The following CDK13 variants were observed in gnomAD, a reference collection of about 807,000 sequenced individuals.
The protein encoded by CDK13 is cyclin dependent kinase 13.
In CDK13, 40 loss-of-function variants were observed where a neutral mutation model predicts 137.6. That is an observed-to-expected ratio of 0.29 (90% confidence interval 0.23 to 0.38). CDK13 has a LOEUF of 0.38. Among genes scored for constraint, CDK13 ranks in the 10% least tolerant of loss-of-function variants. The pLI is 1.00. For synonymous variants in CDK13, 869 were observed against 760.1 expected, an observed-to-expected ratio of 1.14 and a Z score of -2.36; for missense variants, 1,704 against 1,951.8, an observed-to-expected ratio of 0.87 and a Z score of 2.39.
chr7:40,021,708 T>C (rs1366345068), intron 5 of CDK13, among the ~76,000 whole-genome samples: 1 of 152,170 alleles, frequency 6.6e-6, no homozygotes, highest in Admixed American at 6.5e-5. Context: ...TTTAAGCTAA[T>C]TAGAAATATT....
chr7:40,037,864 C>G (rs998835345), intron 5 of CDK13, among the ~76,000 whole-genome samples: 1 of 152,072 alleles, frequency 6.6e-6, no homozygotes, highest in African/African-American at 2.4e-5. Context: ...CTTAGTGATT[C>G]TTTTTGTCCT....
intron 12 of CDK13, among the ~76,000 whole-genome samples, chr7:40,089,678 A>G (rs993192922): frequency 2.6e-5 from 4 of 151,256 alleles, no homozygotes; most frequent in Non-Finnish European, 5.9e-5. Flanking sequence ...AGTTTTATGA[A>G]AACAGAGACT....
chr7:40,016,188 T>C (rs555280860), intron 5 of CDK13, among the ~76,000 whole-genome samples: 5 of 152,334 alleles, frequency 3.3e-5, no homozygotes, highest in African/African-American at 1.2e-4. Flanking sequence ...TGGAGGAAGC[T>C]AATGATTAAC....
chr7:39,950,982 A>T lies in CDK13; in HGVS notation c.341A>T (p.Glu114Val), dbSNP rs1251764784. ...CGTCGCGGGCCCCGCGCCGGGCAGG[A>T]GGCGGAGAAGCGTCGGGTCTTCTCG... ...KRRRGPRAGQ[E>V]AEKRRVFSLP... The change falls in exon 1 of 14, where the codon GAG becomes GTG. Residue 114 changes from glutamate (E) to valine (V), a missense_variant. By Grantham distance (121) the Glu-to-Val change is moderately radical (BLOSUM62 -2). Around this residue, in one of 5 missense-constraint regions of CDK13, gnomAD observed 1,051 missense variants for 931.0 expected, o/e 1.13. Transcript: ENST00000181839. The T allele has an allele frequency of 2.3e-6, 3 of 1,313,766 alleles. No homozygotes were observed. Among genetic ancestry groups the T allele is most frequent in the Non-Finnish European group, 1.9e-6 (2 of 1,036,356 alleles). The allele number at this position is 1,313,766 out of a possible 1,614,324, so 81.4% of individuals were successfully genotyped here. A position where few individuals can be genotyped will look rare whatever the true frequency, so the allele number is the denominator to read the frequency against.
intron 8 of CDK13, 44 bp downstream of exon 8, chr7:40,062,971 G>C: frequency 3.7e-6 from 6 of 1,602,326 alleles, no homozygotes; most frequent in Non-Finnish European, 5.1e-6. Context: ...TGAAACTTTT[G>C]GTAGTGAATT....
intron 5 of CDK13, among the ~76,000 whole-genome samples, chr7:40,023,820 A>T (rs1785181618): frequency 1.3e-5 from 2 of 152,198 alleles, no homozygotes; most frequent in Non-Finnish European, 1.5e-5. Flanking sequence ...CTGCTGGAGA[A>T]GAATCATTAC....
At chr7:40,017,730 T>C (rs553533410) in intron 5 of CDK13, among the ~76,000 whole-genome samples, 20 of 152,042 alleles carry the variant, frequency 1.3e-4, no homozygotes, top group African/African-American at 4.8e-4. Flanking sequence ...ATCTGTCTGT[T>C]TGGTGGCTTT....
chr7:40,075,419 T>C (rs1210933534), intron 9 of CDK13, among the ~76,000 whole-genome samples: 2 of 152,100 alleles, frequency 1.3e-5, no homozygotes, highest in Non-Finnish European at 2.9e-5. Context: ...TACTCAGATA[T>C]CTTTCAACAT....
chr7:39,974,257 G>A (rs1562706279), intron 1 of CDK13, among the ~76,000 whole-genome samples: 1 of 151,792 alleles, frequency 6.6e-6, no homozygotes, highest in Non-Finnish European at 1.5e-5. Context: ...TTTGAGACAG[G>A]GTTTCACTAT....
At chr7:40,075,015 C>T (rs1214992446) in intron 9 of CDK13, among the ~76,000 whole-genome samples, 2 of 151,904 alleles carry the variant, frequency 1.3e-5, no homozygotes, top group Non-Finnish European at 2.9e-5. Context: ...TGAATCCTAG[C>T]AGGATTCTCT....
At chr7:40,029,322 G>A (rs532624151) in intron 5 of CDK13, among the ~76,000 whole-genome samples, 1 of 152,126 alleles carries the variant, frequency 6.6e-6, no homozygotes, top group Non-Finnish European at 1.5e-5. Flanking sequence ...CAGCTACTTG[G>A]GAGGCTGAGG....
chr7:40,017,721 T>C (rs1785031366), intron 5 of CDK13, among the ~76,000 whole-genome samples: 1 of 151,976 alleles, frequency 6.6e-6, no homozygotes, highest in Non-Finnish European at 1.5e-5. Context: ...TATGGTCACA[T>C]CTGTCTGTTT....
intron 2 of CDK13, among the ~76,000 whole-genome samples, chr7:39,988,664 A>G (rs774551261): frequency 6.6e-6 from 1 of 152,146 alleles, no homozygotes; most frequent in African/African-American, 2.4e-5. Flanking sequence ...GTGGCCTTGT[A>G]AATTTATCAC....
In CDK13 at chr7:39,950,673, G is replaced by T; in HGVS notation, c.32G>T (p.Gly11Val). The T allele has an allele frequency of 1.4e-6, 2 of 1,387,754 alleles. No homozygotes were observed. The highest frequency in any genetic ancestry group is 1.9e-6 in the Non-Finnish European group (2 of 1,075,558). 86.0% of individuals were successfully genotyped at this position (1,387,754 alleles called of 1,614,324 possible). Residue 11 changes from glycine (G) to valine (V), a missense_variant, in exon 1 of 14, where the codon GGA (glycine) becomes GTA (valine). This residue lies in a region of CDK13 where 1,051 missense variants were observed against 931.0 expected (regional missense o/e 1.13). Coordinates refer to ENST00000181839, the MANE Select transcript of CDK13 (RefSeq NM_003718.5). The stretch of plus-strand genomic sequence containing the variant: ...AGCAGCTCGGACACGGCGCTGGGGG[G>T]AGGCGGGGGCCTGAGCTGGGCGGAG... MPSSSDTALG[G>V]GGGLSWAEKK...
At chr7:40,036,173 T>TATACACAC (rs368631951) in intron 5 of CDK13, among the ~76,000 whole-genome samples, 5 of 149,028 alleles carry the variant, frequency 3.4e-5, no homozygotes, top group African/African-American at 4.9e-5. Context: ...ATAAATAAAT[T>TATACACAC]ACACACACAC....
At chr7:40,073,226 G>GA (rs11353351) in intron 9 of CDK13, 1 of 151,968 alleles carries the variant, frequency 6.6e-6, no homozygotes, top group East Asian at 1.9e-4. Context: ...AGATACATTT[G>GA]AAAAAAATAT....
chr7:40,087,737 C>T (rs953529258), intron 11 of CDK13, among the ~76,000 whole-genome samples: 7 of 151,948 alleles, frequency 4.6e-5, no homozygotes, highest in African/African-American at 1.7e-4. Flanking sequence ...TTAGTAGAAA[C>T]GGGGTTTTGC....
intron 1 of CDK13, among the ~76,000 whole-genome samples, chr7:39,969,647 T>C (rs989252808): frequency 8.5e-5 from 13 of 152,286 alleles, no homozygotes; most frequent in Non-Finnish European, 1.6e-4. Flanking sequence ...GGATTCCAGA[T>C]GCCTCACCTC....
intron 5 of CDK13, among the ~76,000 whole-genome samples, chr7:40,024,310 C>T (rs1644135252): frequency 6.6e-6 from 1 of 152,160 alleles, no homozygotes; most frequent in South Asian, 2.1e-4. Flanking sequence ...TTACTCTGTA[C>T]ACTACTTCTT....
Sources: allele counts gnomAD v4.1 joint callset (sites outside exome capture counted in the v4.1 genomes callset), GRCh38; gene constraint gnomAD v4.1.1; regional missense constraint gnomAD v4.1.1; transcripts MANE v1.5; gene names NCBI Gene and HGNC (gene_info 2026-07-23, HGNC 2026-07-21).